The following PCDH11X variants were observed in gnomAD, a reference collection of about 807,000 sequenced individuals.
PCDH11X encodes the protein protocadherin 11 X-linked.
Under a neutral mutation model 53.3 loss-of-function variants are expected in PCDH11X, and 18 were observed. That is an observed-to-expected ratio of 0.34 (90% CI 0.23 to 0.50). PCDH11X has a LOEUF of 0.50. Ranked by LOEUF, PCDH11X falls within the 20% of genes least tolerant of loss-of-function variation. The pLI is 0.98. For missense variants in PCDH11X, 570 were observed against 1,032.4 expected (o/e 0.55, Z 6.14); for synonymous variants, 279 against 393.3 (o/e 0.71, Z 3.44).
intron 10 of PCDH11X, among the ~76,000 whole-genome samples, chrX:92,511,419 G>A (rs2074159185): frequency 9.0e-6 from 1 of 111,393 alleles, no homozygotes; most frequent in African/African-American, 3.3e-5. Flanking sequence ...CAGTTTTGGA[G>A]AGTCAGTCTG....
chrX:91,939,283 C>T (rs1383011479), intron 6 of PCDH11X, among the ~76,000 whole-genome samples: 1 of 110,691 alleles, frequency 9.0e-6, no homozygotes, highest in Non-Finnish European at 1.9e-5. Flanking sequence ...CATAGCAATA[C>T]AAACTATTCA....
At chrX:91,841,458 A>G (rs1937518152) in intron 5 of PCDH11X, among the ~76,000 whole-genome samples, 2 of 111,559 alleles carry the variant, frequency 1.8e-5, no homozygotes, top group South Asian at 7.5e-4. Flanking sequence ...ACTTAATATT[A>G]CCAACTAACT....
At chrX:92,297,020 T>C (rs2148464803) in intron 8 of PCDH11X, among the ~76,000 whole-genome samples, 1 of 70,785 alleles carries the variant, frequency 1.4e-5, no homozygotes, top group South Asian at 9.5e-4. Context: ...TTTTCACATA[T>C]ATATTCCTTG....
At chrX:92,338,717 G>C (rs35055650) in intron 8 of PCDH11X, among the ~76,000 whole-genome samples, 2 of 111,521 alleles carry the variant, frequency 1.8e-5, no homozygotes, top group African/African-American at 6.5e-5. Flanking sequence ...ATCAAATCAA[G>C]TTGTTCATTT....
intron 10 of PCDH11X, among the ~76,000 whole-genome samples, chrX:92,547,050 G>T (rs2074867710): frequency 9.2e-6 from 1 of 108,303 alleles, no homozygotes; most frequent in Admixed American, 1.0e-4. Context: ...TTCCTCCTCA[G>T]CATGGACATA....
chrX:91,802,326 A>G, intron 1 of PCDH11X, among the ~76,000 whole-genome samples: 1 of 112,609 alleles, frequency 8.9e-6, no homozygotes, highest in Non-Finnish European at 1.9e-5. Context: ...CACATAATTT[A>G]GATCAATTAA....
At chrX:91,858,487 T>C (rs1001857203) in intron 5 of PCDH11X, among the ~76,000 whole-genome samples, 49 of 111,842 alleles carry the variant, frequency 4.4e-4, no homozygotes, top group African/African-American at 1.5e-3. Context: ...CTGCAATTTT[T>C]CCAAACTTTC....
At chrX:92,094,133 A>ATGTGTG (rs58997781) in intron 6 of PCDH11X, among the ~76,000 whole-genome samples, 5 of 94,242 alleles carry the variant, frequency 5.3e-5, no homozygotes, top group Non-Finnish European at 8.4e-5. Context: ...AAAAAGTAAT[A>ATGTGTG]TGTGTGTGTG....
chrX:92,193,501 TAACAAG>T (rs1339529055), intron 6 of PCDH11X, among the ~76,000 whole-genome samples: 1 of 111,513 alleles, frequency 9.0e-6, no homozygotes, highest in Non-Finnish European at 1.9e-5. Flanking sequence ...TCTCCATTAA[TAACAAG>T]AACATTATAA....
chrX:92,238,955 T>C (rs1472945189), intron 7 of PCDH11X, among the ~76,000 whole-genome samples: 2 of 111,552 alleles, frequency 1.8e-5, no homozygotes, highest in East Asian at 5.6e-4. Flanking sequence ...ATGTTTTTTT[T>C]TCCATCCACA....
At chrX:92,540,228 C>G (rs1242513160) in intron 10 of PCDH11X, among the ~76,000 whole-genome samples, 1 of 110,409 alleles carries the variant, frequency 9.1e-6, no homozygotes, top group African/African-American at 3.3e-5. Flanking sequence ...ACAAATTTAC[C>G]TAATATTTCA....
In PCDH11X at chrX:92,012,439, C is replaced by A. The variant is rs2525236; in HGVS notation, c.3033+133166C>A. Among the ~76,000 whole-genome samples, 800 of 111,415 alleles carry A rather than the reference C, an allele frequency of 7.2e-3. 13 individuals are homozygous for A. The highest frequency in any genetic ancestry group is 0.025 in the African/African-American group (755 of 30,716). On this transcript the variant is annotated intron_variant, in intron 6 of 10. Transcript: ENST00000682573. ...TTTGTAATTGGCTTCTGTAAGAGGA[C>A]TTTTTTCCCTTAAAAATGTAGAGAA...
At chrX:92,556,332 A>G (rs1311074330) in intron 10 of PCDH11X, among the ~76,000 whole-genome samples, 3 of 111,440 alleles carry the variant, frequency 2.7e-5, no homozygotes, top group African/African-American at 9.8e-5. Flanking sequence ...ATCCAAGACA[A>G]GGCAAGTCAC....
At chrX:92,514,827 C>A (rs1423154015) in intron 10 of PCDH11X, among the ~76,000 whole-genome samples, 1 of 108,963 alleles carries the variant, frequency 9.2e-6, no homozygotes, top group African/African-American at 3.3e-5. Flanking sequence ...GCAGGCAGAT[C>A]ACAAGGTCAG....
chrX:92,135,547 C>T (rs1280936857), intron 6 of PCDH11X, among the ~76,000 whole-genome samples: 1 of 111,229 alleles, frequency 9.0e-6, no homozygotes, highest in Admixed American at 9.7e-5. Context: ...TTTATTATTC[C>T]AATAAGAGTG....
intron 6 of PCDH11X, among the ~76,000 whole-genome samples, chrX:92,110,034 T>C (rs980562111): frequency 5.3e-5 from 6 of 112,571 alleles, no homozygotes; most frequent in African/African-American, 1.9e-4. Context: ...CAGCAGTTAA[T>C]CTTTTCTTTA....
intron 5 of PCDH11X, among the ~76,000 whole-genome samples, chrX:91,874,659 A>AC (rs981539569): frequency 4.6e-5 from 4 of 87,902 alleles, no homozygotes; most frequent in Non-Finnish European, 8.9e-5. Flanking sequence ...GAATCTCAGC[A>AC]CCCCCCCAAA....
chrX:92,221,349 T>C (rs2066876211), intron 7 of PCDH11X, among the ~76,000 whole-genome samples: 1 of 96,017 alleles, frequency 1.0e-5, no homozygotes, highest in African/African-American at 3.7e-5. Flanking sequence ...TACTTCCAGG[T>C]ATGGTGCAGA....
intron 10 of PCDH11X, among the ~76,000 whole-genome samples, chrX:92,597,878 G>A (rs756596825): frequency 1.9e-3 from 217 of 111,363 alleles, no homozygotes; most frequent in African/African-American, 6.9e-3. Flanking sequence ...ATCCAAACAC[G>A]TACAGTGAAC....
Sources: gnomAD v4.1 joint callset for allele counts (sites outside exome capture counted in the v4.1 genomes callset) on GRCh38, gnomAD v4.1.1 for gene constraint, MANE v1.5 for transcripts, NCBI Gene and HGNC (gene_info 2026-07-23, HGNC 2026-07-21) for gene names.